Variants in NAALADL2 observed in about 807,000 individuals in gnomAD.
NAALADL2 encodes the protein inactive N-acetylated-alpha-linked acidic dipeptidase-like protein 2.
In NAALADL2, 76 loss-of-function variants were observed where a neutral mutation model predicts 87.2. The ratio of observed to expected loss-of-function variants is 0.87; its 90% CI spans 0.72 to 1.05. NAALADL2 has a LOEUF of 1.05. Ranked by LOEUF, NAALADL2 falls within the 50% of genes least tolerant of loss-of-function variation. The pLI is 0.00. For synonymous variants in NAALADL2, 354 were observed against 331.0 expected (o/e 1.07, Z -0.75); for missense variants, 1,089 against 945.8 (o/e 1.15, Z -1.99).
intron 1 of NAALADL2, among the ~76,000 whole-genome samples, chr3:174,508,061 G>A (rs1719318985): frequency 6.7e-6 from 1 of 150,084 alleles, no homozygotes; most frequent in Admixed American, 6.6e-5. Context: ...TCACATGCTT[G>A]CCAACACTTA....
intron 13 of NAALADL2, among the ~76,000 whole-genome samples, chr3:175,772,133 C>G (rs1156259459): frequency 6.6e-6 from 1 of 152,140 alleles, no homozygotes; most frequent in Non-Finnish European, 1.5e-5. Flanking sequence ...ATTTACAGGT[C>G]CTAGAGATTA....
At chr3:175,023,336 C>A (rs1751806517) in intron 1 of NAALADL2, among the ~76,000 whole-genome samples, 2 of 151,940 alleles carry the variant, frequency 1.3e-5, no homozygotes, top group Admixed American at 1.3e-4. Flanking sequence ...TCAATTTATG[C>A]CTCATTGTTT....
rs534244988 is a variant in NAALADL2 at position 175,650,488 on chromosome 3, G to A, written c.1896+23102G>A. On this transcript the variant is annotated intron_variant, in intron 11 of 13. Transcript: ENST00000454872. Reference sequence around the variant, plus strand: ...ATACATGCAATGGATGAATTTTGTGGTGTATAACTATACCTCAATAAAGCT... The same window carrying A: ...ATACATGCAATGGATGAATTTTGTGATGTATAACTATACCTCAATAAAGCT... Among the ~76,000 whole-genome samples, 7 of 152,186 alleles carry A rather than the reference G, an allele frequency of 4.6e-5. No homozygotes were observed. The South Asian group carries it at 1.5e-3, about 32-fold the overall frequency.
chr3:174,733,674 T>C (rs1732919247), intron 2 of NAALADL2, among the ~76,000 whole-genome samples: 1 of 152,196 alleles, frequency 6.6e-6, no homozygotes, highest in Non-Finnish European at 1.5e-5. Flanking sequence ...ACGCAGAAAG[T>C]CAATTACTAA....
At chr3:174,897,368 G>T (rs1365995425) in intron 1 of NAALADL2, among the ~76,000 whole-genome samples, 1 of 149,466 alleles carries the variant, frequency 6.7e-6, no homozygotes, top group African/African-American at 2.5e-5. Flanking sequence ...TATTTGAAAA[G>T]ATATTTTTCA....
intron 3 of NAALADL2, among the ~76,000 whole-genome samples, chr3:174,815,752 T>C (rs944357873): frequency 4.0e-5 from 6 of 151,874 alleles, no homozygotes; most frequent in African/African-American, 1.5e-4. Context: ...AATGTGATGG[T>C]ATTATTTTAT....
chr3:175,193,393 C>G (rs985491114), intron 2 of NAALADL2, among the ~76,000 whole-genome samples: 4 of 151,706 alleles, frequency 2.6e-5, no homozygotes, highest in Admixed American at 2.0e-4. Context: ...GGCCCTTATG[C>G]ATGTGTAATG....
At chr3:175,789,800 T>G (rs1752557156) in intron 13 of NAALADL2, among the ~76,000 whole-genome samples, 1 of 152,204 alleles carries the variant, frequency 6.6e-6, no homozygotes, top group Non-Finnish European at 1.5e-5. Flanking sequence ...AGTCAATTAC[T>G]TTAAAAACTA....
At chr3:175,447,942 T>C (rs186049894) in intron 6 of NAALADL2, among the ~76,000 whole-genome samples, 101 of 152,314 alleles carry the variant, frequency 6.6e-4, no homozygotes, top group Middle Eastern at 3.4e-3. Flanking sequence ...ATCTTGTTCC[T>C]GCCTCCAGCC....
At chr3:174,902,342 A>G (rs1480855097) in intron 1 of NAALADL2, among the ~76,000 whole-genome samples, 1 of 152,158 alleles carries the variant, frequency 6.6e-6, no homozygotes, top group Non-Finnish European at 1.5e-5. Flanking sequence ...GGTTAGAAAT[A>G]ATGTATGTAA....
intron 3 of NAALADL2, among the ~76,000 whole-genome samples, chr3:174,792,420 C>G (rs1717572753): frequency 6.6e-6 from 1 of 152,098 alleles, no homozygotes; most frequent in African/African-American, 2.4e-5. Flanking sequence ...CTGCCTACTA[C>G]CCAGTTTTCA....
intron 2 of NAALADL2, among the ~76,000 whole-genome samples, chr3:174,629,707 C>T (rs972556178): frequency 6.6e-6 from 1 of 152,104 alleles, no homozygotes; most frequent in Non-Finnish European, 1.5e-5. Flanking sequence ...CAGGGCCTGC[C>T]CTCATCTCTA....
chr3:175,799,818 CATAA>C (rs1458715500), intron 13 of NAALADL2, among the ~76,000 whole-genome samples: 2 of 152,110 alleles, frequency 1.3e-5, no homozygotes, highest in African/African-American at 2.4e-5. Context: ...TATGTACATA[CATAA>C]ATAATCTCTT....
chr3:175,571,638 T>C (rs771829808), intron 9 of NAALADL2, among the ~76,000 whole-genome samples: 2 of 152,178 alleles, frequency 1.3e-5, no homozygotes, highest in Non-Finnish European at 2.9e-5. Context: ...CTATTCACAT[T>C]AGGATTGAAT....
chr3:175,036,026 A>C (rs1007968316), intron 1 of NAALADL2, among the ~76,000 whole-genome samples: 1 of 152,234 alleles, frequency 6.6e-6, no homozygotes, highest in Non-Finnish European at 1.5e-5. Flanking sequence ...ATTTAAAGAT[A>C]AAAGGATACT....
intron 2 of NAALADL2, among the ~76,000 whole-genome samples, chr3:175,119,815 A>AT (rs1725871071): frequency 6.8e-6 from 1 of 146,298 alleles, no homozygotes; most frequent in African/African-American, 2.5e-5. Flanking sequence ...ATCTATATAT[A>AT]AAAGTATATA....
chr3:174,680,209 T>G (rs905649103), intron 2 of NAALADL2, among the ~76,000 whole-genome samples: 1 of 152,234 alleles, frequency 6.6e-6, no homozygotes, highest in Non-Finnish European at 1.5e-5. Context: ...ATACCTTTGA[T>G]TATGTAATTT....
intron 3 of NAALADL2, among the ~76,000 whole-genome samples, chr3:174,798,270 G>A (rs1718379864): frequency 6.6e-6 from 1 of 152,094 alleles, no homozygotes; most frequent in Admixed American, 6.6e-5. Flanking sequence ...TTTTGTTGCT[G>A]TTGTTACTGT....
intron 5 of NAALADL2, among the ~76,000 whole-genome samples, chr3:175,419,294 A>G (rs1479245390): frequency 6.6e-6 from 1 of 151,948 alleles, no homozygotes; most frequent in Non-Finnish European, 1.5e-5. Context: ...ACAAGTCAGT[A>G]TGATATAAAT....
Sources: gnomAD v4.1 joint callset for allele counts (sites outside exome capture counted in the v4.1 genomes callset) on GRCh38, gnomAD v4.1.1 for gene constraint, MANE v1.5 for transcripts, NCBI Gene and HGNC (gene_info 2026-07-23, HGNC 2026-07-21) for gene names.